MPP1: variants seen among roughly 807,000 people sequenced by gnomAD.
The protein encoded by MPP1 is 55 kDa erythrocyte membrane protein.
A neutral mutation model predicts 38.2 loss-of-function variants in MPP1; 6 were observed. The ratio of observed to expected loss-of-function variants is 0.16; its 90% CI spans 0.09 to 0.31. MPP1 has a LOEUF of 0.31. MPP1 is among the 10% of genes least tolerant of loss of function. The pLI, the probability that MPP1 is intolerant of heterozygous loss-of-function variation, is 1.00. For missense variants in MPP1, 293 were observed against 368.9 expected, an observed-to-expected ratio of 0.79 and a Z score of 1.69; for synonymous variants, 153 against 146.3, an observed-to-expected ratio of 1.05 and a Z score of -0.33.
intron 11 of MPP1, among the ~76,000 whole-genome samples, chrX:154,779,772 G>A (rs1235764810): frequency 4.4e-5 from 5 of 113,044 alleles, no homozygotes; most frequent in African/African-American, 1.6e-4. Flanking sequence ...AGGCTGGAGT[G>A]CAGTGGCACA....
Position 154,805,430 on chromosome X carries a change from C to A in MPP1, c.-57G>T, listed in dbSNP as rs1221972295. ...CAGGGCAGCGCTGGGAATGACAGGG[C>A]CCGGGGCCTGCGGGGCTGCGGAGAA... is the stretch of plus-strand genomic sequence containing the variant. On this transcript the variant is annotated 5_prime_UTR_variant, in exon 1 of 12. Coordinates refer to ENST00000369534, the MANE Select transcript of MPP1 (RefSeq NM_002436.4). 8.2e-5 allele frequency: 88 copies of A among 1,078,770 alleles called. No individual in the cohort carries two copies. The highest frequency in any genetic ancestry group is 1.0e-4 in the Non-Finnish European group (80 of 796,307). The allele number at this position is 1,078,770 out of a possible 1,213,427, so 88.9% of individuals were successfully genotyped here. A position where few individuals can be genotyped will look rare whatever the true frequency, so the allele number is the denominator to read the frequency against.
At chrX:154,782,097 T>C (rs782368391) in intron 9 of MPP1, 63 of 263,102 alleles carry the variant, frequency 2.4e-4, no homozygotes, top group African/African-American at 1.6e-3. Context: ...TCTAGGAATA[T>C]TGAAACTTAG....
chrX:154,784,083 G>T lies in MPP1; in HGVS notation c.810C>A (p.Ser270=). The change falls in exon 8 of 12, where the codon TCC becomes TCA. Residue 270 remains serine, a synonymous_variant. Transcript: ENST00000369534. ...SSIFDQLDVV[S]YEEVVRLPAF... is the part of the protein sequence containing the mutation. ...CAGGGAGCCGAACGACTTCCTCGTA[G>T]GAAACAACATCCAACTGATCAAAAA... 1 of 1,209,450 alleles carries T rather than the reference G, an allele frequency of 8.3e-7. No homozygotes were observed.
At chrX:154,781,122 A>T in intron 11 of MPP1, 117 bp downstream of exon 11, 1 of 640,731 alleles carries the variant, frequency 1.6e-6, no homozygotes, top group Non-Finnish European at 2.5e-6. Flanking sequence ...CTGGAGGAAG[A>T]AGCCCAGCTG....
At chrX:154,802,176 G>A (rs782257860) in intron 1 of MPP1, among the ~76,000 whole-genome samples, 55 of 112,477 alleles carry the variant, frequency 4.9e-4, no homozygotes, top group African/African-American at 1.6e-3. Context: ...TAGGTACTGC[G>A]AAATGCAAGA....
chrX:154,781,527 C>G lies in MPP1; in HGVS notation c.1149+73G>C. On this transcript the variant is annotated intron_variant, in intron 10 of 11. Transcript: ENST00000369534. Reference sequence around the variant, plus strand: ...AGCAATCCTGAGCCCCCAGAAGATTCCCAAGGAGCACTGTCTTCGCCATCC... The same window carrying G: ...AGCAATCCTGAGCCCCCAGAAGATTGCCAAGGAGCACTGTCTTCGCCATCC... 9.1e-6 allele frequency: 10 copies of G among 1,096,602 alleles called. No homozygotes were observed. In the South Asian group the frequency reaches 1.9e-4, roughly 21 times the overall value. The allele number at this position is 1,096,602 out of a possible 1,213,427, so 90.4% of individuals were successfully genotyped here.
chrX:154,800,893 T>C (rs782499447), intron 1 of MPP1, among the ~76,000 whole-genome samples: 9 of 112,372 alleles, frequency 8.0e-5, no homozygotes, highest in Admixed American at 6.5e-4. Context: ...GCAAGGAAGA[T>C]AACTTTTGAG....
intron 7 of MPP1, 95 bp downstream of exon 7, chrX:154,784,956 G>C (rs781900120): frequency 1.3e-6 from 1 of 757,480 alleles, no homozygotes; most frequent in Non-Finnish European, 2.0e-6. Context: ...CTTCTGCTGC[G>C]CACTGCACCA....
chrX:154,799,511 A>G, intron 1 of MPP1, among the ~76,000 whole-genome samples: 1 of 112,611 alleles, frequency 8.9e-6, no homozygotes, highest in East Asian at 2.8e-4. Flanking sequence ...ACTGTCAGTG[A>G]CATGAGTAAT....
intron 10 of MPP1, 109 bp from the exon 11 acceptor site, chrX:154,781,422 TTGAGCTTTACCCCAATACAACTTTCCA>T (rs1557266617): frequency 5.0e-6 from 4 of 804,225 alleles, no homozygotes; most frequent in Non-Finnish European, 5.5e-6. Context: ...ATAAGCAGCT[TTGAGCTTTACCCCAATACAACTTTCCA>T]TCATTCCCAG....
intron 6 of MPP1, 95 bp downstream of exon 6, chrX:154,786,109 G>T: frequency 3.5e-6 from 3 of 858,624 alleles, no homozygotes; most frequent in South Asian, 5.0e-5. Context: ...CTCCTTGGTT[G>T]AGAAACAGAA....
chrX:154,779,356 G>A lies in MPP1; in HGVS notation c.1225-3C>T, dbSNP rs782084241. 11 of 1,202,956 alleles carry A rather than the reference G, an allele frequency of 9.1e-6. No homozygotes were observed. The East Asian group carries it at 3.0e-4, about 32-fold the overall frequency. Reference sequence around the variant, plus strand: ...TGCAGCTGCTGCAGGGCTTCTGTCTGCAAAGAAGAAAGCCACAGATGAAGC... The same window carrying A: ...TGCAGCTGCTGCAGGGCTTCTGTCTACAAAGAAGAAAGCCACAGATGAAGC... On this transcript the variant is annotated splice_polypyrimidine_tract_variant and splice_region_variant and intron_variant, in intron 11 of 11. Coordinates refer to ENST00000369534, the MANE Select transcript of MPP1 (RefSeq NM_002436.4).
intron 4 of MPP1, among the ~76,000 whole-genome samples, 176 bp from the exon 5 acceptor site, chrX:154,790,198 T>C (rs935334980): frequency 5.4e-5 from 6 of 111,452 alleles, no homozygotes; most frequent in African/African-American, 2.0e-4. Flanking sequence ...CATAACAATA[T>C]GAAGACATGC....
At chrX:154,793,220 G>A (rs1557267918) in intron 1 of MPP1, among the ~76,000 whole-genome samples, 1 of 112,007 alleles carries the variant, frequency 8.9e-6, no homozygotes, top group African/African-American at 3.2e-5. Context: ...TTTAGTAGAC[G>A]AGACACGGAG....
At position 154,792,200 on chromosome X, in the gene MPP1, C is replaced by T; in HGVS notation, c.188G>A (p.Gly63Glu). The T allele has an allele frequency of 8.3e-7, 1 of 1,211,992 alleles. No homozygotes were observed. Among genetic ancestry groups the T allele is most frequent in the Non-Finnish European group, 1.1e-6 (1 of 895,558 alleles). Reference sequence around the variant, plus strand: ...GAGTCGCACTTTCCGCACCTCCTGTCCCTTGACCTGGGCAGGGCTACCTGG... The same window carrying T: ...GAGTCGCACTTTCCGCACCTCCTGTTCCTTGACCTGGGCAGGGCTACCTGG... ...PAPGSPAQVK[G>E]QEVRKVRLIQ... is the part of the protein sequence containing the mutation. The change falls in exon 2 of 12, where the codon GGA becomes GAA. Residue 63 changes from glycine to glutamate, a missense_variant. Gly to Glu is a moderately conservative substitution (Grantham distance 98, BLOSUM62 -2). Transcript: ENST00000369534.
At chrX:154,782,739 G>A (rs1307212135) in intron 9 of MPP1, 2 of 112,404 alleles carry the variant, frequency 1.8e-5, no homozygotes, top group African/African-American at 6.5e-5. Flanking sequence ...TGACTAACAT[G>A]GTTTAGTTCA....
At chrX:154,791,879 A>C in intron 2 of MPP1, 32 bp from the exon 3 acceptor site, 1 of 1,140,550 alleles carries the variant, frequency 8.8e-7, no homozygotes. Flanking sequence ...AATAAGCTTT[A>C]TTTTAAGCTC....
chrX:154,783,963 G>T (rs782483906), intron 8 of MPP1, 65 bp downstream of exon 8: 8 of 1,025,094 alleles, frequency 7.8e-6, no homozygotes, highest in Admixed American at 7.0e-5. Context: ...TTTTTTGGGG[G>T]TGGGCACGTG....
chrX:154,793,940 T>C (rs781831098), intron 1 of MPP1, among the ~76,000 whole-genome samples: 1 of 112,355 alleles, frequency 8.9e-6, no homozygotes, highest in South Asian at 3.6e-4. Context: ...TCTTCCTTAA[T>C]TTGGAAAATT....
Sources: gnomAD v4.1 joint callset for allele counts (sites outside exome capture counted in the v4.1 genomes callset) on GRCh38, gnomAD v4.1.1 for gene constraint, MANE v1.5 for transcripts, NCBI Gene and HGNC (gene_info 2026-07-23, HGNC 2026-07-21) for gene names.